OR9Q1: variants seen among roughly 807,000 people sequenced by gnomAD.
OR9Q1 encodes the protein olfactory receptor family 9 subfamily Q member 1, also known as olfactory receptor 9Q1.
For synonymous variants in OR9Q1, 153 were observed against 148.6 expected, an observed-to-expected ratio of 1.03 and a Z score of -0.22; for missense variants, 374 against 378.8, an observed-to-expected ratio of 0.99 and a Z score of 0.11.
intron 2 of OR9Q1, among the ~76,000 whole-genome samples, chr11:58,069,501 T>A (rs2120015350): frequency 6.6e-6 from 1 of 152,254 alleles, no homozygotes; most frequent in East Asian, 1.9e-4. Flanking sequence ...ATCTGCAAGA[T>A]GTGAGAAGGA....
At chr11:58,124,974 TGTCCAAG>T (rs1344124289) in intron 2 of OR9Q1, among the ~76,000 whole-genome samples, 8 of 152,282 alleles carry the variant, frequency 5.3e-5, no homozygotes, top group African/African-American at 1.9e-4. Context: ...TTAAGTACCT[TGTCCAAG>T]GTCACATGAC....
chr11:58,134,819 A>G (rs569612410), intron 2 of OR9Q1, among the ~76,000 whole-genome samples: 8 of 152,312 alleles, frequency 5.3e-5, no homozygotes, highest in African/African-American at 1.7e-4. Flanking sequence ...CTTCCTAGCC[A>G]TATGACACTT....
intron 1 of OR9Q1, among the ~76,000 whole-genome samples, chr11:58,035,816 A>C (rs1853095302): frequency 6.9e-6 from 1 of 144,728 alleles, no homozygotes; most frequent in Admixed American, 7.1e-5. Flanking sequence ...TGACAGCAAG[A>C]TGCAAAAACA....
chr11:58,031,824 C>A, intron 1 of OR9Q1: 2 of 1,614,116 alleles, frequency 1.2e-6, no homozygotes, highest in Non-Finnish European at 1.7e-6. Context: ...ATGCTCAATC[C>A]TCTCATCTAC....
chr11:58,135,101 A>G (rs961386364), intron 2 of OR9Q1, among the ~76,000 whole-genome samples: 3 of 152,182 alleles, frequency 2.0e-5, no homozygotes, highest in Non-Finnish European at 4.4e-5. Context: ...ATTGGAATCC[A>G]GGGAGTTTAA....
At chr11:58,109,656 G>A (rs1322846023) in intron 2 of OR9Q1, 1 of 452,536 alleles carries the variant, frequency 2.2e-6, no homozygotes, top group East Asian at 7.0e-5. Context: ...GATTTCTTTT[G>A]GCCATAGGCT....
At chr11:58,133,399 G>A (rs112559995) in intron 2 of OR9Q1, among the ~76,000 whole-genome samples, 1 of 152,188 alleles carries the variant, frequency 6.6e-6, no homozygotes, top group African/African-American at 2.4e-5. Context: ...CAGGCTCTCT[G>A]TGCCACAGAC....
chr11:58,074,945 G>A (rs1853525452), intron 2 of OR9Q1, among the ~76,000 whole-genome samples: 1 of 152,120 alleles, frequency 6.6e-6, no homozygotes, highest in African/African-American at 2.4e-5. Flanking sequence ...TGAGGCCTCT[G>A]TTCTGTTCCT....
intron 1 of OR9Q1, chr11:58,031,767 T>G: frequency 6.2e-7 from 1 of 1,614,082 alleles, no homozygotes; most frequent in Non-Finnish European, 8.5e-7. Context: ...ACCTCCTCCA[T>G]CAACTTCAAC....
At chr11:58,123,547 T>G (rs1294034969) in intron 2 of OR9Q1, among the ~76,000 whole-genome samples, 1 of 152,194 alleles carries the variant, frequency 6.6e-6, no homozygotes, top group Non-Finnish European at 1.5e-5. Context: ...TTAGCTCTAG[T>G]CCTTCCTGAA....
At position 58,168,441 on chromosome 11, in the gene OR9Q1, G is replaced by A. The variant is rs965037748; in HGVS notation, c.-14-10990G>A. On this transcript the variant is annotated intron_variant, in intron 2 of 2. Transcript: ENST00000335397. ...GCAATTTGTTCAACATGACGGCTTT[G>A]AGATTTACCCATATTGATATACGTA... Among the ~76,000 whole-genome samples the A allele has an allele frequency of 5.9e-5, 9 of 152,064 alleles. No individual in the cohort carries two copies. In the South Asian group the frequency reaches 1.9e-3, roughly 31 times the overall value.
chr11:58,070,273 C>T (rs12226617), intron 2 of OR9Q1, among the ~76,000 whole-genome samples: 1 of 151,694 alleles, frequency 6.6e-6, no homozygotes, highest in Non-Finnish European at 1.5e-5. Context: ...GCCTTGGCCT[C>T]CCAAAGTGCT....
At chr11:58,131,594 G>C (rs1156720356) in intron 2 of OR9Q1, among the ~76,000 whole-genome samples, 1 of 151,856 alleles carries the variant, frequency 6.6e-6, no homozygotes, top group Non-Finnish European at 1.5e-5. Flanking sequence ...CTTTACCTAA[G>C]AGTTTTGAGC....
intron 2 of OR9Q1, among the ~76,000 whole-genome samples, chr11:58,064,863 A>C (rs1049652784): frequency 6.6e-6 from 1 of 151,990 alleles, no homozygotes; most frequent in South Asian, 2.1e-4. Context: ...GTAGATGTAC[A>C]TTTGCTTAAA....
chr11:58,127,130 A>G (rs1456272448), intron 2 of OR9Q1, among the ~76,000 whole-genome samples: 2 of 152,022 alleles, frequency 1.3e-5, no homozygotes, highest in Non-Finnish European at 2.9e-5. Context: ...TTGTAGTTTT[A>G]GTAGAGACGG....
At chr11:58,060,497 T>C (rs1853369895) in intron 2 of OR9Q1, among the ~76,000 whole-genome samples, 1 of 152,156 alleles carries the variant, frequency 6.6e-6, no homozygotes, top group African/African-American at 2.4e-5. Flanking sequence ...TGGGAGGCTT[T>C]TGGAGCAGAG....
At chr11:58,118,290 A>G (rs1043404875) in intron 2 of OR9Q1, 1 of 503,468 alleles carries the variant, frequency 2.0e-6, no homozygotes, top group Non-Finnish European at 3.5e-6. Context: ...TAAGGAATGG[A>G]TTGAAAGTGG....
intron 1 of OR9Q1, among the ~76,000 whole-genome samples, chr11:58,045,930 C>G (rs1853212130): frequency 6.6e-6 from 1 of 152,160 alleles, no homozygotes; most frequent in Non-Finnish European, 1.5e-5. Context: ...CAACCTTGGC[C>G]CCTGCCCCAC....
At chr11:58,067,007 C>T (rs551123098) in intron 2 of OR9Q1, among the ~76,000 whole-genome samples, 21 of 150,054 alleles carry the variant, frequency 1.4e-4, no homozygotes, top group Non-Finnish European at 2.7e-4. Flanking sequence ...CTGCAGGGTT[C>T]AGCTGTAATT....
Sources: allele counts gnomAD v4.1 joint callset (sites outside exome capture counted in the v4.1 genomes callset), GRCh38; gene constraint gnomAD v4.1.1; transcripts MANE v1.5; gene names NCBI Gene and HGNC (gene_info 2026-07-23, HGNC 2026-07-21).